PCED1B: variants seen among roughly 807,000 people sequenced by gnomAD.
PCED1B encodes PC-esterase domain-containing protein 1B.
For synonymous variants in PCED1B, 251 were observed against 246.1 expected, an observed-to-expected ratio of 1.02 and a Z score of -0.19; for missense variants, 573 against 573.9, an observed-to-expected ratio of 1.00 and a Z score of 0.02.
At chr12:47,212,206 G>A in intron 2 of PCED1B, among the ~76,000 whole-genome samples, 1 of 152,146 alleles carries the variant, frequency 6.6e-6, no homozygotes, top group East Asian at 1.9e-4. Context: ...CTTGAGCCCG[G>A]AGGTGGAGGT....
At chr12:47,208,787 T>C (rs1452361981) in intron 2 of PCED1B, 1 of 152,202 alleles carries the variant, frequency 6.6e-6, no homozygotes, top group East Asian at 1.9e-4. Flanking sequence ...TTTACAGGCG[T>C]GAGGCTGTTT....
intron 2 of PCED1B, among the ~76,000 whole-genome samples, chr12:47,118,197 A>G (rs1352850389): frequency 6.6e-6 from 1 of 152,202 alleles, no homozygotes; most frequent in Non-Finnish European, 1.5e-5. Context: ...TAGTTTAATT[A>G]GATCCCATTT....
chr12:47,176,320 A>G (rs1016395660), intron 2 of PCED1B, among the ~76,000 whole-genome samples: 3 of 152,096 alleles, frequency 2.0e-5, no homozygotes, highest in Non-Finnish European at 2.9e-5. Flanking sequence ...AGAGCTCCTA[A>G]TCCCTTGGAA....
chr12:47,205,018 G>C (rs1942872366), intron 2 of PCED1B, among the ~76,000 whole-genome samples: 1 of 152,180 alleles, frequency 6.6e-6, no homozygotes, highest in South Asian at 2.1e-4. Flanking sequence ...CAGGGGAATT[G>C]CAACAGAGAA....
chr12:47,163,816 T>C (rs1941462657), intron 2 of PCED1B, among the ~76,000 whole-genome samples: 2 of 152,186 alleles, frequency 1.3e-5, no homozygotes, highest in South Asian at 4.1e-4. Context: ...ACCCAACTTC[T>C]GGTGAGGCTA....
intron 2 of PCED1B, among the ~76,000 whole-genome samples, chr12:47,163,456 A>C (rs1258685960): frequency 6.6e-6 from 1 of 152,228 alleles, no homozygotes; most frequent in Non-Finnish European, 1.5e-5. Flanking sequence ...TGTTGAATAG[A>C]AGTAGCAAAA....
rs574028188 is a variant in PCED1B, at chr12:47,079,649, G to C, written c.-685G>C. The C allele has an allele frequency of 6.5e-6, 1 of 152,888 alleles. No individual in the cohort carries two copies. Among genetic ancestry groups the C allele is most frequent in the Non-Finnish European group, 1.5e-5 (1 of 68,752 alleles). 9.5% of individuals were successfully genotyped at this position (152,888 alleles called of 1,614,324 possible). On this transcript the variant is annotated 5_prime_UTR_variant, in exon 1 of 4. Transcript: ENST00000546455. ...GTTTCAAGCAGCCGCGGCGGCAGCA[G>C]CAGCCCTGGACGCAGCAGCCAAGCT... is the stretch of plus-strand genomic sequence containing the variant.
intron 3 of PCED1B, among the ~76,000 whole-genome samples, chr12:47,220,235 G>T (rs979654124): frequency 6.6e-6 from 1 of 152,016 alleles, no homozygotes; most frequent in African/African-American, 2.4e-5. Flanking sequence ...GCAGTGGCGC[G>T]ATCTTGGCTC....
At chr12:47,220,022 G>A (rs914059233) in intron 3 of PCED1B, among the ~76,000 whole-genome samples, 17 of 145,494 alleles carry the variant, frequency 1.2e-4, no homozygotes, top group South Asian at 2.1e-4. Flanking sequence ...GCAGTGAGCC[G>A]TGATCATGCC....
chr12:47,111,168 CA>C, intron 2 of PCED1B, among the ~76,000 whole-genome samples: 1 of 152,072 alleles, frequency 6.6e-6, no homozygotes, highest in East Asian at 1.9e-4. Context: ...ACCTGTGCCA[CA>C]AGGACATAAA....
intron 3 of PCED1B, among the ~76,000 whole-genome samples, chr12:47,225,476 C>T (rs536721155): frequency 2.6e-5 from 4 of 152,238 alleles, no homozygotes; most frequent in African/African-American, 9.6e-5. Flanking sequence ...GTTTGCTTTT[C>T]TTTTTTCTTT....
At chr12:47,148,641 AGAGAG>A (rs1022909988) in intron 2 of PCED1B, among the ~76,000 whole-genome samples, 1 of 152,244 alleles carries the variant, frequency 6.6e-6, no homozygotes, top group Admixed American at 6.5e-5. Flanking sequence ...ACAAAGGCCC[AGAGAG>A]CCATGTTTGA....
At chr12:47,124,582 T>G (rs1229676290) in intron 2 of PCED1B, among the ~76,000 whole-genome samples, 1 of 151,756 alleles carries the variant, frequency 6.6e-6, no homozygotes, top group Non-Finnish European at 1.5e-5. Context: ...CTGGGGAAGA[T>G]AAGTACGAGT....
chr12:47,167,348 G>A (rs73108136), intron 2 of PCED1B, among the ~76,000 whole-genome samples: 3 of 152,210 alleles, frequency 2.0e-5, no homozygotes, highest in African/African-American at 4.8e-5. Context: ...GTCAGTGCTG[G>A]ATTTCCCTGC....
intron 3 of PCED1B, among the ~76,000 whole-genome samples, chr12:47,229,895 G>A (rs1217173962): frequency 1.3e-5 from 2 of 149,408 alleles, no homozygotes; most frequent in East Asian, 2.0e-4. Flanking sequence ...TCAGCCTCCC[G>A]AGTAGCTGGG....
At chr12:47,222,012 A>G (rs1197191240) in intron 3 of PCED1B, among the ~76,000 whole-genome samples, 1 of 151,380 alleles carries the variant, frequency 6.6e-6, no homozygotes, top group African/African-American at 2.4e-5. Flanking sequence ...CTGAGGCAGA[A>G]GGATCTCTTA....
At chr12:47,229,915 A>C (rs892146237) in intron 3 of PCED1B, among the ~76,000 whole-genome samples, 97 of 130,140 alleles carry the variant, frequency 7.5e-4, no homozygotes, top group Middle Eastern at 0.01. Flanking sequence ...GACTACAGGC[A>C]CCCGCCACCA....
intron 2 of PCED1B, among the ~76,000 whole-genome samples, chr12:47,194,939 G>T (rs979796470): frequency 1.3e-5 from 2 of 152,138 alleles, no homozygotes; most frequent in African/African-American, 4.8e-5. Context: ...TTATTTATTA[G>T]TATTATATAT....
At chr12:47,190,427 C>A (rs10785666) in intron 2 of PCED1B, among the ~76,000 whole-genome samples, 1 of 151,998 alleles carries the variant, frequency 6.6e-6, no homozygotes, top group African/African-American at 2.4e-5. Context: ...TCGCCTCTTC[C>A]AGGTCTTTCT....
Sources: gnomAD v4.1 joint callset for allele counts (sites outside exome capture counted in the v4.1 genomes callset) on GRCh38, gnomAD v4.1.1 for gene constraint, MANE v1.5 for transcripts, NCBI Gene and HGNC (gene_info 2026-07-23, HGNC 2026-07-21) for gene names.